The following TMTC1 variants were observed in gnomAD, a reference collection of about 807,000 sequenced individuals.
The protein encoded by TMTC1 is transmembrane O-mannosyltransferase targeting cadherins 1, also known as protein O-mannosyl-transferase TMTC1.
Under a neutral mutation model 104.8 loss-of-function variants are expected in TMTC1, and 73 were observed. That is an observed-to-expected ratio of 0.70 (90% CI 0.58 to 0.85). The LOEUF is 0.85. Ranked by LOEUF, TMTC1 falls within the 40% of genes least tolerant of loss-of-function variation. TMTC1 has a pLI of 0.00. For missense variants in TMTC1, 1,035 were observed against 1,096.1 expected (o/e 0.94, Z 0.79); for synonymous variants, 434 against 428.7 (o/e 1.01, Z -0.15).
In TMTC1 at chr12:29,572,103, A is replaced by G. The variant is rs1471088660; in HGVS notation, c.1532+2T>C. 1.9e-6 allele frequency: 3 copies of G among 1,612,250 alleles called. No individual in the cohort carries two copies. The highest frequency in any genetic ancestry group is 2.5e-6 in the Non-Finnish European group (3 of 1,178,428). ...CCAACACCCTCCCTGTGTGGCGCTT[A>G]CTTGAGAGCTGTTCTGTAGTGGTAG... On this transcript the variant is annotated splice_donor_variant, in intron 9 of 17. Coordinates refer to ENST00000539277, the MANE Select transcript of TMTC1 (RefSeq NM_001193451.2). LOFTEE classifies it high-confidence loss of function.
chr12:29,727,564 G>A (rs762572328), intron 5 of TMTC1, among the ~76,000 whole-genome samples: 10 of 151,908 alleles, frequency 6.6e-5, no homozygotes, highest in Non-Finnish European at 1.5e-4. Context: ...TTTCAGTAGA[G>A]ACGGGTTTTC....
At chr12:29,762,813 A>G (rs1266463875) in intron 2 of TMTC1, among the ~76,000 whole-genome samples, 1 of 152,244 alleles carries the variant, frequency 6.6e-6, no homozygotes, top group African/African-American at 2.4e-5. Flanking sequence ...CACAATGTCA[A>G]GGTTCAGCTC....
chr12:29,714,453 A>G (rs1195790827), intron 5 of TMTC1, among the ~76,000 whole-genome samples: 1 of 152,156 alleles, frequency 6.6e-6, no homozygotes, highest in East Asian at 1.9e-4. Flanking sequence ...ATTTTTTTAA[A>G]CCACAAATGT....
chr12:29,631,473 T>G (rs977990107), intron 6 of TMTC1, among the ~76,000 whole-genome samples: 1 of 152,190 alleles, frequency 6.6e-6, no homozygotes, highest in Admixed American at 6.5e-5. Context: ...AGATATTCAG[T>G]TACATTTTTA....
At chr12:29,558,766 C>T (rs934897330) in intron 9 of TMTC1, among the ~76,000 whole-genome samples, 2 of 152,142 alleles carry the variant, frequency 1.3e-5, no homozygotes, top group Non-Finnish European at 2.9e-5. Flanking sequence ...TGATACTGGC[C>T]CCATTACATC....
chr12:29,621,569 C>T (rs192283480), intron 6 of TMTC1, among the ~76,000 whole-genome samples: 7 of 152,292 alleles, frequency 4.6e-5, no homozygotes, highest in Admixed American at 4.6e-4. Context: ...CCATAAGCTT[C>T]TCCAAGTCCT....
intron 7 of TMTC1, among the ~76,000 whole-genome samples, chr12:29,592,294 C>T (rs990283288): frequency 6.6e-6 from 1 of 152,122 alleles, no homozygotes; most frequent in African/African-American, 2.4e-5. Flanking sequence ...TTATCTCAAA[C>T]ATTCAATGGT....
At chr12:29,624,819 A>T (rs763447088) in intron 6 of TMTC1, among the ~76,000 whole-genome samples, 22 of 152,246 alleles carry the variant, frequency 1.4e-4, no homozygotes, top group Non-Finnish European at 2.8e-4. Context: ...AGCAACCAAA[A>T]GGCACTCAAT....
chr12:29,694,872 G>A (rs954833990), intron 5 of TMTC1, among the ~76,000 whole-genome samples: 16 of 152,228 alleles, frequency 1.1e-4, no homozygotes, highest in Non-Finnish European at 2.1e-4. Flanking sequence ...CCTGGGAGGC[G>A]GAGGTTGCAG....
chr12:29,764,859 C>G (rs1278801654), intron 2 of TMTC1, among the ~76,000 whole-genome samples: 1 of 152,050 alleles, frequency 6.6e-6, no homozygotes, highest in African/African-American at 2.4e-5. Context: ...TAGGATTTTC[C>G]TCTTTTCTTA....
intron 1 of TMTC1, among the ~76,000 whole-genome samples, chr12:29,777,515 T>C (rs1849323640): frequency 6.6e-6 from 1 of 152,102 alleles, no homozygotes; most frequent in Non-Finnish European, 1.5e-5. Context: ...CGGAAGGTGA[T>C]TTCCAAGCCT....
chr12:29,622,704 T>C (rs1937740300), intron 6 of TMTC1, among the ~76,000 whole-genome samples: 2 of 152,186 alleles, frequency 1.3e-5, no homozygotes, highest in African/African-American at 4.8e-5. Context: ...TTAAAAACAA[T>C]TCGATCCAAT....
chr12:29,530,038 A>G (rs1944456607), intron 11 of TMTC1: 1 of 152,232 alleles, frequency 6.6e-6, no homozygotes, highest in Admixed American at 6.5e-5. Flanking sequence ...ACATTTGCAT[A>G]TAATTGCAGC....
At chr12:29,553,691 C>T (rs1945164863) in intron 10 of TMTC1, among the ~76,000 whole-genome samples, 1 of 152,136 alleles carries the variant, frequency 6.6e-6, no homozygotes, top group Non-Finnish European at 1.5e-5. Context: ...GTAAAAAATC[C>T]TGTGTTGGTT....
chr12:29,570,777 G>A (rs1360641579), intron 9 of TMTC1, among the ~76,000 whole-genome samples: 2 of 151,782 alleles, frequency 1.3e-5, no homozygotes, highest in African/African-American at 4.8e-5. Context: ...CTTAGAGGTA[G>A]AGGTTTCAGT....
In TMTC1 at chr12:29,767,895, T is replaced by C. The variant is rs755230722; in HGVS notation, c.480+3A>G. On this transcript the variant is annotated splice_donor_region_variant and intron_variant, in intron 2 of 17. Transcript: ENST00000539277. ...TATTTCACTGAGATCCAATTACACT[T>C]ACCGCCTCAGTATGAATAGGATGTA... 11 of 1,613,484 alleles carry C rather than the reference T, an allele frequency of 6.8e-6. No homozygotes were observed. The South Asian group carries it at 7.7e-5, about 11-fold the overall frequency.
At chr12:29,507,177 A>G (rs1201560514) in intron 17 of TMTC1, among the ~76,000 whole-genome samples, 191 bp from the exon 18 acceptor site, 1 of 152,216 alleles carries the variant, frequency 6.6e-6, no homozygotes, top group Non-Finnish European at 1.5e-5. Context: ...TAAGCACTAG[A>G]TCAGTTGCAG....
rs147100402 is a variant in TMTC1, at chr12:29,589,761, T to A, written c.1251-6187A>T. Among the ~76,000 whole-genome samples, 239 of 152,376 alleles carry A rather than the reference T, an allele frequency of 1.6e-3. 1 individual carries two copies. Among genetic ancestry groups the A allele is most frequent in the African/African-American group, 5.5e-3 (227 of 41,590 alleles). On this transcript the variant is annotated intron_variant, in intron 7 of 17. Transcript: ENST00000539277. ...GTTTGCGTGTCTAGTGAGCACTTCC[T>A]GTGCGGTAGGCACTGTGCTAAGTGG...
At position 29,579,897 on chromosome 12, in the gene TMTC1, T is replaced by C. The variant is rs150665006; in HGVS notation, c.1418+3510A>G. 2.8e-4 allele frequency among the ~76,000 whole-genome samples: 42 copies of C among 152,328 alleles called. 1 individual carries two copies. Among genetic ancestry groups the C allele is most frequent in the African/African-American group, 7.0e-4 (29 of 41,584 alleles). On this transcript the variant is annotated intron_variant, in intron 8 of 17. Coordinates refer to ENST00000539277, the MANE Select transcript of TMTC1 (RefSeq NM_001193451.2). The stretch of plus-strand genomic sequence containing the variant: ...TGTAAAATATAGGAATGGCAAAGTT[T>C]ATGCACCTTTTGATTTTTATACCAG...
Sources: allele counts gnomAD v4.1 joint callset (sites outside exome capture counted in the v4.1 genomes callset), GRCh38; gene constraint gnomAD v4.1.1; transcripts MANE v1.5; gene names NCBI Gene and HGNC (gene_info 2026-07-23, HGNC 2026-07-21).